Variants in TMTC2 observed in about 807,000 individuals in gnomAD.
TMTC2 encodes the protein protein O-mannosyl-transferase TMTC2.
In TMTC2, 43 loss-of-function variants were observed where a neutral mutation model predicts 82.4. The observed-to-expected ratio is 0.52, with a 90% CI of 0.41 to 0.67. The LOEUF is 0.67. TMTC2 is among the 30% of genes least tolerant of loss of function. TMTC2 has a pLI of 0.00. For synonymous variants in TMTC2, 408 were observed against 381.9 expected (o/e 1.07, Z -0.80); for missense variants, 919 against 1,012.4 (o/e 0.91, Z 1.25).
chr12:82,824,238 T>C (rs954236761), intron 1 of TMTC2, among the ~76,000 whole-genome samples: 6 of 152,186 alleles, frequency 3.9e-5, no homozygotes, highest in Admixed American at 2.6e-4. Flanking sequence ...GATCTTATAA[T>C]GTATGTTATA....
chr12:83,010,093 A>G (rs1020795104), intron 8 of TMTC2, among the ~76,000 whole-genome samples: 13 of 152,278 alleles, frequency 8.5e-5, no homozygotes, highest in African/African-American at 2.9e-4. Flanking sequence ...CAGGCCATGA[A>G]CTGGGACCTG....
At chr12:82,742,103 A>G (rs956502362) in intron 1 of TMTC2, among the ~76,000 whole-genome samples, 4 of 152,090 alleles carry the variant, frequency 2.6e-5, no homozygotes, top group African/African-American at 9.7e-5. Context: ...GGCCCAGGAT[A>G]GTTGTCAGTG....
At chr12:82,925,832 T>A (rs1592632083) in intron 3 of TMTC2, among the ~76,000 whole-genome samples, 1 of 152,150 alleles carries the variant, frequency 6.6e-6, no homozygotes, top group East Asian at 1.9e-4. Context: ...TAGGCTAATT[T>A]TCCAATGGCC....
At chr12:82,794,894 A>G (rs1053725312) in intron 1 of TMTC2, among the ~76,000 whole-genome samples, 3 of 152,172 alleles carry the variant, frequency 2.0e-5, no homozygotes, top group African/African-American at 7.2e-5. Flanking sequence ...ACCACTCAAG[A>G]AAAGGTAGCA....
intron 11 of TMTC2, among the ~76,000 whole-genome samples, chr12:83,099,593 G>A (rs149100933): frequency 5.9e-5 from 9 of 152,162 alleles, no homozygotes; most frequent in African/African-American, 2.2e-4. Context: ...GTTTGTATAT[G>A]TGTTACATGC....
chr12:82,805,794 C>T (rs913039754), intron 1 of TMTC2, among the ~76,000 whole-genome samples: 4 of 152,000 alleles, frequency 2.6e-5, no homozygotes, highest in East Asian at 1.9e-4. Flanking sequence ...CATGAGCCAT[C>T]GCACCCAGCT....
At chr12:82,951,327 T>C (rs774166740) in intron 4 of TMTC2, among the ~76,000 whole-genome samples, 5 of 152,054 alleles carry the variant, frequency 3.3e-5, no homozygotes, top group Non-Finnish European at 7.4e-5. Context: ...AGTCTCGCTC[T>C]GTCGCTAGGC....
chr12:83,069,228 G>T (rs1362252963), intron 11 of TMTC2, among the ~76,000 whole-genome samples: 1 of 152,102 alleles, frequency 6.6e-6, no homozygotes, highest in Non-Finnish European at 1.5e-5. Flanking sequence ...GGGACTGCTA[G>T]ATCAAATGGT....
intron 11 of TMTC2, among the ~76,000 whole-genome samples, chr12:83,085,868 T>C (rs1883636274): frequency 6.6e-6 from 1 of 152,198 alleles, no homozygotes; most frequent in Admixed American, 6.5e-5. Flanking sequence ...GTGGTATAGT[T>C]CTATTATTTA....
rs772564422 is a variant in TMTC2, at chr12:82,895,798, C to T, written c.655-20C>T. On this transcript the variant is annotated intron_variant, in intron 2 of 11. Coordinates refer to ENST00000321196, the MANE Select transcript of TMTC2 (RefSeq NM_152588.3). ...TACTGATAATAATCTTAATTTTTCCCTTCTCTCTTTTGGTTTCAGAGGAAG... is the reference window on the plus strand; with the variant it reads ...TACTGATAATAATCTTAATTTTTCCTTTCTCTCTTTTGGTTTCAGAGGAAG... 2 of 1,574,936 alleles carry T rather than the reference C, an allele frequency of 1.3e-6. No individual in the cohort carries two copies. The highest frequency in any genetic ancestry group is 1.9e-5 in the Admixed American group (1 of 53,938).
At chr12:82,881,998 T>A (rs927911763) in intron 2 of TMTC2, among the ~76,000 whole-genome samples, 1 of 143,602 alleles carries the variant, frequency 7.0e-6, no homozygotes, top group African/African-American at 2.7e-5. Context: ...GTTAAGATTT[T>A]TTTTTTTTTT....
chr12:82,837,357 C>T (rs944686973), intron 1 of TMTC2, among the ~76,000 whole-genome samples: 5 of 152,040 alleles, frequency 3.3e-5, no homozygotes, highest in South Asian at 2.1e-4. Context: ...TCTGTAGTCC[C>T]GGATACTTGG....
At position 82,809,875 on chromosome 12, in the gene TMTC2, C is replaced by G. The variant is rs555145370; in HGVS notation, c.84-47135C>G. Among the ~76,000 whole-genome samples the G allele has an allele frequency of 7.9e-5, 12 of 152,238 alleles. No individual in the cohort carries two copies. The South Asian group carries it at 2.5e-3, about 32-fold the overall frequency. On this transcript the variant is annotated intron_variant, in intron 1 of 11. Transcript: ENST00000321196. ...CCTGGAAGAAACATCATATTTGATA[C>G]GTCTAGTATTTCATCAGCCGTTTTT...
intron 6 of TMTC2, chr12:82,966,055 C>A: frequency 3.0e-6 from 1 of 332,972 alleles, no homozygotes; most frequent in Admixed American, 4.2e-5. Flanking sequence ...TAATGTTTCT[C>A]GAGCTTCTTT....
rs1565899813 is a variant in TMTC2 at position 83,132,423 on chromosome 12, T to A, written c.*34T>A. On this transcript the variant is annotated 3_prime_UTR_variant, in exon 12 of 12. Coordinates refer to ENST00000321196, the MANE Select transcript of TMTC2 (RefSeq NM_152588.3). ...GCAGAAGCCCATCCTCCTCCATTTT[T>A]AAAAGCTGGCTTCCTTAGCAGACAG... The A allele has an allele frequency of 1.2e-6, 2 of 1,608,148 alleles. No homozygotes were observed. The highest frequency in any genetic ancestry group is 1.7e-6 in the Non-Finnish European group (2 of 1,178,144).
chr12:82,722,742 A>G (rs1250608234), intron 1 of TMTC2, among the ~76,000 whole-genome samples: 1 of 152,102 alleles, frequency 6.6e-6, no homozygotes, highest in Non-Finnish European at 1.5e-5. Flanking sequence ...ACTCCCTCTC[A>G]ACAACAACAA....
intron 2 of TMTC2, among the ~76,000 whole-genome samples, chr12:82,887,102 G>A (rs1156276221): frequency 1.3e-5 from 2 of 152,048 alleles, no homozygotes; most frequent in Admixed American, 6.6e-5. Context: ...ATTGCCAAGG[G>A]CTTAATTTGG....
rs563742699 is a variant in TMTC2, at chr12:82,978,617, A to G, written c.1949-7308A>G. 1.8e-4 allele frequency among the ~76,000 whole-genome samples: 28 copies of G among 151,896 alleles called. No homozygotes were observed. In the South Asian group the frequency reaches 4.6e-3, roughly 25 times the overall value. The stretch of plus-strand genomic sequence containing the variant: ...TGCTTTGTGGCATAATATGTGGTCT[A>G]TTCTTGAAAATGATCCATGTGCTGC... On this transcript the variant is annotated intron_variant, in intron 7 of 11. Coordinates refer to ENST00000321196, the MANE Select transcript of TMTC2 (RefSeq NM_152588.3).
At chr12:82,990,891 G>A (rs1433443316) in intron 8 of TMTC2, among the ~76,000 whole-genome samples, 1 of 151,830 alleles carries the variant, frequency 6.6e-6, no homozygotes, top group African/African-American at 2.4e-5. Flanking sequence ...TTCAAGCTAG[G>A]TATTGCTTTA....
Sources: gnomAD v4.1 joint callset for allele counts (sites outside exome capture counted in the v4.1 genomes callset) on GRCh38, gnomAD v4.1.1 for gene constraint, MANE v1.5 for transcripts, NCBI Gene and HGNC (gene_info 2026-07-23, HGNC 2026-07-21) for gene names.